The following HPSE2 variants were observed in gnomAD, a reference collection of about 807,000 sequenced individuals.
HPSE2 encodes the protein inactive heparanase-2.
A neutral mutation model predicts 60.5 loss-of-function variants in HPSE2; 38 were observed. The observed-to-expected ratio is 0.63, with a 90% CI of 0.48 to 0.82. The LOEUF is 0.82. Ranked by LOEUF, HPSE2 falls within the 40% of genes least tolerant of loss-of-function variation. The probability of loss-of-function intolerance (pLI) is 0.00; values close to 1 mark genes in which losing one functional copy is unlikely to be tolerated. For missense variants in HPSE2, 713 were observed against 740.4 expected (o/e 0.96, Z 0.43); for synonymous variants, 295 against 293.2 (o/e 1.01, Z -0.06).
chr10:99,037,643 A>C (rs1195400136), intron 3 of HPSE2, among the ~76,000 whole-genome samples: 2 of 152,004 alleles, frequency 1.3e-5, no homozygotes, highest in Non-Finnish European at 2.9e-5. Flanking sequence ...AATAAGAGTA[A>C]AGTACAGGGA....
At chr10:99,237,635 G>T (rs1849893180), upstream of HPSE2, among the ~76,000 whole-genome samples, 1 of 152,204 alleles carries the variant, frequency 6.6e-6, no homozygotes, top group South Asian at 2.1e-4. Flanking sequence ...TTTAAATCAA[G>T]CTGTTACATA....
chr10:98,572,203 G>C (rs1944517494), intron 9 of HPSE2, among the ~76,000 whole-genome samples: 1 of 152,100 alleles, frequency 6.6e-6, no homozygotes, highest in Non-Finnish European at 1.5e-5. Context: ...AGCTCCCAAA[G>C]TGCTGGGATT....
intron 9 of HPSE2, among the ~76,000 whole-genome samples, chr10:98,544,074 T>G (rs1589394854): frequency 6.6e-6 from 1 of 151,630 alleles, no homozygotes; most frequent in Non-Finnish European, 1.5e-5. Context: ...GACCACATAG[T>G]TGGAAGTAAA....
intron 2 of HPSE2, among the ~76,000 whole-genome samples, chr10:99,171,373 TAC>T (rs1564865357): frequency 1.3e-5 from 2 of 151,990 alleles, no homozygotes; most frequent in Non-Finnish European, 2.9e-5. Context: ...AAGAAACTAC[TAC>T]AGTCTGGAGA....
At chr10:98,791,823 AG>A (rs1950661554) in intron 3 of HPSE2, among the ~76,000 whole-genome samples, 1 of 152,170 alleles carries the variant, frequency 6.6e-6, no homozygotes, top group Non-Finnish European at 1.5e-5. Flanking sequence ...CATGAGTCAA[AG>A]TTTTCTGATG....
chr10:98,796,450 G>A lies in HPSE2; in HGVS notation c.611-52394C>T, dbSNP rs182289313. On this transcript the variant is annotated intron_variant, in intron 3 of 11. Coordinates refer to ENST00000370552, the MANE Select transcript of HPSE2 (RefSeq NM_021828.5). Reference sequence around the variant, plus strand: ...AAAGGCTCCTCTGCCTGTGAAAAGCGGAGAGAAGAGTGGGAAGGACTTTGT... The same window carrying A: ...AAAGGCTCCTCTGCCTGTGAAAAGCAGAGAGAAGAGTGGGAAGGACTTTGT... Among the ~76,000 whole-genome samples the A allele has an allele frequency of 6.6e-5, 10 of 152,306 alleles. No individual in the cohort carries two copies. The East Asian group carries it at 1.4e-3, about 21-fold the overall frequency.
rs780679938 is a variant in HPSE2, at chr10:98,852,161, GTGTGTATA to G, written c.611-108113_611-108106del. 5.4e-3 allele frequency among the ~76,000 whole-genome samples: 696 copies of G among 128,110 alleles called. 13 individuals are homozygous for G. Among genetic ancestry groups the G allele is most frequent in the East Asian group, 0.031 (137 of 4,450 alleles). 84.0% of individuals were successfully genotyped at this position (128,110 alleles called of 152,430 possible). A position where few individuals can be genotyped will look rare whatever the true frequency, so the allele number is the denominator to read the frequency against. On this transcript the variant is annotated intron_variant, in intron 3 of 11. Transcript: ENST00000370552. The stretch of plus-strand genomic sequence containing the variant: ...TGTGTGTGTGTGTGTGTGTGTGTGT[GTGTGTATA>G]TATGTTTGGTTTTCATCCATCCTTC...
intron 3 of HPSE2, among the ~76,000 whole-genome samples, chr10:98,878,438 C>T (rs551020459): frequency 2.0e-5 from 3 of 152,064 alleles, no homozygotes; most frequent in East Asian, 1.9e-4. Context: ...TAGGTACTTG[C>T]TCTCACGGAG....
chr10:98,736,213 G>GT (rs71938270), intron 4 of HPSE2, among the ~76,000 whole-genome samples: 20,323 of 149,334 alleles, frequency 0.14, 1,605 homozygotes, highest in East Asian at 0.36. Flanking sequence ...CTTTTGCTTG[G>GT]TTTTTTTTTT....
intron 11 of HPSE2, among the ~76,000 whole-genome samples, chr10:98,480,258 T>A (rs1009688041): frequency 6.6e-6 from 1 of 152,062 alleles, no homozygotes; most frequent in East Asian, 1.9e-4. Flanking sequence ...ATTTTTGTAT[T>A]TTTTTTGTAC....
At chr10:98,564,908 C>G (rs767123884) in intron 9 of HPSE2, among the ~76,000 whole-genome samples, 1 of 152,084 alleles carries the variant, frequency 6.6e-6, no homozygotes, top group Non-Finnish European at 1.5e-5. Context: ...ATCATCCAAA[C>G]CAGGATGGGA....
intron 3 of HPSE2, among the ~76,000 whole-genome samples, chr10:99,086,800 A>G (rs1413966722): frequency 6.6e-6 from 1 of 152,260 alleles, no homozygotes. Context: ...GCCATTTACT[A>G]TTATGCCAAA....
chr10:98,721,834 T>G lies in HPSE2; in HGVS notation c.785-6A>C. 1 of 1,613,098 alleles carries G rather than the reference T, an allele frequency of 6.2e-7. No homozygotes were observed. The highest frequency in any genetic ancestry group is 8.5e-7 in the Non-Finnish European group (1 of 1,179,474). On this transcript the variant is annotated splice_polypyrimidine_tract_variant and splice_region_variant and intron_variant, in intron 4 of 11. Coordinates refer to ENST00000370552, the MANE Select transcript of HPSE2 (RefSeq NM_021828.5). ...GGTCCGATAGTTATTTGGCTCTAGA[T>G]TAAAAGCAGACATGTAAGTCAGAAT...
At chr10:99,093,649 T>G (rs1843596737) in intron 3 of HPSE2, among the ~76,000 whole-genome samples, 1 of 152,148 alleles carries the variant, frequency 6.6e-6, no homozygotes. Context: ...AAGAGCCCAC[T>G]CCCAAAAGCA....
intron 3 of HPSE2, among the ~76,000 whole-genome samples, chr10:98,930,345 A>G (rs892515990): frequency 4.9e-5 from 7 of 144,254 alleles, no homozygotes; most frequent in African/African-American, 8.4e-5. Flanking sequence ...ATAGTATTTC[A>G]TGGTGTATAT....
chr10:99,177,938 A>G (rs1847595735), intron 2 of HPSE2, among the ~76,000 whole-genome samples: 1 of 152,144 alleles, frequency 6.6e-6, no homozygotes, highest in South Asian at 2.1e-4. Context: ...ACCACGGTGC[A>G]ATCAAATTAG....
chr10:99,191,509 G>C (rs1408419314), intron 2 of HPSE2, among the ~76,000 whole-genome samples: 1 of 152,138 alleles, frequency 6.6e-6, no homozygotes, highest in Non-Finnish European at 1.5e-5. Context: ...TCTTACCCAA[G>C]ACTCCCAAGG....
At chr10:98,517,203 G>A (rs1329282571) in intron 9 of HPSE2, among the ~76,000 whole-genome samples, 3 of 151,764 alleles carry the variant, frequency 2.0e-5, no homozygotes, top group Non-Finnish European at 4.4e-5. Flanking sequence ...GTGGGGTGGG[G>A]GGGGCGAGGC....
chr10:98,854,833 T>C (rs1300540062), intron 3 of HPSE2, among the ~76,000 whole-genome samples: 1 of 152,148 alleles, frequency 6.6e-6, no homozygotes, highest in Admixed American at 6.5e-5. Flanking sequence ...CCACTGAGGA[T>C]TCTTATACAT....
Sources: allele counts gnomAD v4.1 joint callset (sites outside exome capture counted in the v4.1 genomes callset), GRCh38; gene constraint gnomAD v4.1.1; transcripts MANE v1.5; gene names NCBI Gene and HGNC (gene_info 2026-07-23, HGNC 2026-07-21).